SLCO2B1: variants seen among roughly 807,000 people sequenced by gnomAD.
The protein encoded by SLCO2B1 is solute carrier organic anion transporter family member 2B1, also known as OATP-RP2.
In SLCO2B1, 41 loss-of-function variants were observed where a neutral mutation model predicts 67.3. That is an observed-to-expected ratio of 0.61 (90% CI 0.47 to 0.79). The LOEUF (loss-of-function observed/expected upper bound fraction) is 0.79. Among genes scored for constraint, SLCO2B1 ranks in the 30% least tolerant of loss-of-function variants. The pLI is 0.00. For synonymous variants in SLCO2B1, 379 were observed against 381.4 expected (o/e 0.99, Z 0.07); for missense variants, 837 against 920.1 (o/e 0.91, Z 1.17).
Position 75,205,633 on chromosome 11 carries a change from T to C in SLCO2B1, c.*1053T>C, listed in dbSNP as rs1246214733. ...GTTTTTTGGGGGTGGCACCTGGTTC[T>C]CCGATGCCTGGGCTGGTGTCAGGCC... On this transcript the variant is annotated 3_prime_UTR_variant, in exon 14 of 14. Coordinates refer to ENST00000289575, the MANE Select transcript of SLCO2B1 (RefSeq NM_007256.5). The C allele has an allele frequency of 6.6e-6, 1 of 152,382 alleles. No individual in the cohort carries two copies. The highest frequency in any genetic ancestry group is 1.9e-4 in the East Asian group (1 of 5,186). 9.4% of individuals were successfully genotyped at this position (152,382 alleles called of 1,614,324 possible).
At chr11:75,195,901 CT>C (rs1190892633) in intron 9 of SLCO2B1, among the ~76,000 whole-genome samples, 1 of 152,186 alleles carries the variant, frequency 6.6e-6, no homozygotes, top group Admixed American at 6.5e-5. Context: ...CATCCTGCCC[CT>C]GCCCACCTTC....
intron 2 of SLCO2B1, 115 bp from the exon 3 acceptor site, chr11:75,163,848 T>C: frequency 8.0e-7 from 1 of 1,252,406 alleles, no homozygotes; most frequent in Non-Finnish European, 1.1e-6. Flanking sequence ...GCCCTCTGTC[T>C]CTTTCTGTGA....
chr11:75,201,908 G>T (rs1448193040), intron 11 of SLCO2B1: 1 of 152,146 alleles, frequency 6.6e-6, no homozygotes, highest in East Asian at 1.9e-4. Flanking sequence ...CTTGCTGGAG[G>T]TTGGGGCTGA....
At chr11:75,203,113 CT>C in intron 12 of SLCO2B1, 148 bp downstream of exon 12, 1 of 1,133,910 alleles carries the variant, frequency 8.8e-7, no homozygotes, top group Non-Finnish European at 1.3e-6. Context: ...CCCAGCTCTC[CT>C]AGAGCGGGGT....
chr11:75,187,088 G>A (rs946455495), intron 7 of SLCO2B1, among the ~76,000 whole-genome samples: 1 of 152,118 alleles, frequency 6.6e-6, no homozygotes, highest in Non-Finnish European at 1.5e-5. Context: ...AATGATTTTT[G>A]ACTCTTATTT....
intron 10 of SLCO2B1, among the ~76,000 whole-genome samples, chr11:75,197,043 G>A (rs1027884361): frequency 1.3e-5 from 2 of 152,202 alleles, no homozygotes; most frequent in South Asian, 2.1e-4. Flanking sequence ...TTGAATCCGG[G>A]AGGCGGAGGT....
Position 75,200,394 on chromosome 11 carries a change from G to A in SLCO2B1, c.1763+7G>A, listed in dbSNP as rs767147207. The A allele has an allele frequency of 1.5e-5, 23 of 1,583,606 alleles. No individual in the cohort carries two copies. The highest frequency in any genetic ancestry group is 1.9e-5 in the Non-Finnish European group (22 of 1,160,390). On this transcript the variant is annotated splice_region_variant and intron_variant, in intron 11 of 13. Transcript: ENST00000289575. ...CCTTCATGCTCATCCTAAGGTGAAG[G>A]TGGGGGTGGGGCAGGGGCAGGTGGA... is the stretch of plus-strand genomic sequence containing the variant.
intron 9 of SLCO2B1, among the ~76,000 whole-genome samples, chr11:75,194,101 T>G (rs991559119): frequency 2.6e-5 from 4 of 152,142 alleles, no homozygotes; most frequent in Non-Finnish European, 5.9e-5. Flanking sequence ...TCTGATAATT[T>G]TGGGTTTTAG....
At position 75,185,662 on chromosome 11, in the gene SLCO2B1, C is replaced by G. The variant is rs79913639; in HGVS notation, c.973-2474C>G. Among the ~76,000 whole-genome samples the G allele has an allele frequency of 2.2e-3, 339 of 152,002 alleles. 3 individuals are homozygous for G. The highest frequency in any genetic ancestry group is 8.0e-3 in the African/African-American group (330 of 41,436). On this transcript the variant is annotated intron_variant, in intron 7 of 13. Coordinates refer to ENST00000289575, the MANE Select transcript of SLCO2B1 (RefSeq NM_007256.5). ...CTCTCACACAAGAAAGAATTCGGAG[C>G]AAGTCCATAGAGTAAAGTGAGAGCA... is the stretch of plus-strand genomic sequence containing the variant.
chr11:75,152,118 G>A (rs1054182128), intron 1 of SLCO2B1, among the ~76,000 whole-genome samples: 2 of 152,392 alleles, frequency 1.3e-5, no homozygotes, highest in East Asian at 1.9e-4. Flanking sequence ...AGCTCTGCCT[G>A]CAGGGTGACA....
intron 7 of SLCO2B1, among the ~76,000 whole-genome samples, chr11:75,175,085 C>G (rs911574324): frequency 3.3e-5 from 5 of 152,196 alleles, no homozygotes; most frequent in East Asian, 1.9e-4. Flanking sequence ...CAGCTGTGAA[C>G]CTGTCTGGCT....
At chr11:75,166,015 A>T (rs1467889760) in intron 4 of SLCO2B1, 66 bp downstream of exon 4, 1 of 1,521,082 alleles carries the variant, frequency 6.6e-7, no homozygotes, top group East Asian at 2.3e-5. Flanking sequence ...GCTGGGGCCC[A>T]CCCCACAGGC....
chr11:75,165,298 G>A (rs1322599092), intron 3 of SLCO2B1, among the ~76,000 whole-genome samples: 1 of 152,146 alleles, frequency 6.6e-6, no homozygotes, highest in Non-Finnish European at 1.5e-5. Flanking sequence ...TGAGCATGGT[G>A]GCGCATGCCT....
intron 1 of SLCO2B1, among the ~76,000 whole-genome samples, chr11:75,152,122 G>A (rs1461140251): frequency 6.6e-6 from 1 of 152,240 alleles, no homozygotes; most frequent in African/African-American, 2.4e-5. Flanking sequence ...CTGCCTGCAG[G>A]GTGACAAGGA....
At chr11:75,200,597 A>T in intron 11 of SLCO2B1, 1 of 504,006 alleles carries the variant, frequency 2.0e-6, no homozygotes, top group South Asian at 3.4e-5. Context: ...AGGCTCAGAG[A>T]AGTTCAGGAG....
At chr11:75,156,632 C>T (rs11236358) in intron 1 of SLCO2B1, among the ~76,000 whole-genome samples, 15,848 of 152,036 alleles carry the variant, frequency 0.1, 1,449 homozygotes, top group East Asian at 0.35. Context: ...TCTTGGATCT[C>T]GTGCAAGAAA....
In SLCO2B1 at chr11:75,196,631, C is replaced by T. The variant is rs764520192; in HGVS notation, c.1551C>T (p.His517=). The part of the protein sequence containing the change: ...STRVEYITPC[H]AGCSSWVVQD... ...GTGTGGAATACATCACACCCTGCCA[C>T]GCAGGCTGCTCAAGCTGGGTGGTCC... The change falls in exon 10 of 14, where the codon CAC becomes CAT. Residue 517 remains histidine (H), a synonymous_variant. Coordinates refer to ENST00000289575, the MANE Select transcript of SLCO2B1 (RefSeq NM_007256.5). 1.4e-5 allele frequency: 23 copies of T among 1,614,032 alleles called. No individual in the cohort carries two copies. The highest frequency in any genetic ancestry group is 6.6e-5 in the South Asian group (6 of 91,078).
chr11:75,190,294 G>A (rs757110080), intron 8 of SLCO2B1, among the ~76,000 whole-genome samples: 9 of 152,224 alleles, frequency 5.9e-5, no homozygotes, highest in Non-Finnish European at 1.0e-4. Context: ...GGTGCCCTCA[G>A]GCCCTGTGGC....
intron 10 of SLCO2B1, among the ~76,000 whole-genome samples, chr11:75,197,087 G>A (rs1945111921): frequency 6.6e-6 from 1 of 152,216 alleles, no homozygotes; most frequent in Non-Finnish European, 1.5e-5. Flanking sequence ...TTACACTCCA[G>A]TCTGGGCAAC....
Sources: gnomAD v4.1 joint callset for allele counts (sites outside exome capture counted in the v4.1 genomes callset) on GRCh38, gnomAD v4.1.1 for gene constraint, MANE v1.5 for transcripts, NCBI Gene and HGNC (gene_info 2026-07-23, HGNC 2026-07-21) for gene names.